DTHD1: variants seen among roughly 807,000 people sequenced by gnomAD.
The protein encoded by DTHD1 is death domain containing 1.
In DTHD1, 59 loss-of-function variants were observed where a neutral mutation model predicts 74.8. That is an observed-to-expected ratio of 0.79 (90% CI 0.64 to 0.98). The LOEUF is 0.98. DTHD1 is among the 50% of genes least tolerant of loss of function. The pLI, the probability that DTHD1 is intolerant of heterozygous loss-of-function variation, is 0.00. For synonymous variants in DTHD1, 365 were observed against 371.1 expected (o/e 0.98, Z 0.19); for missense variants, 1,051 against 1,065.4 (o/e 0.99, Z 0.19).
At chr4:36,322,672 G>A (rs888160709) in intron 8 of DTHD1, among the ~76,000 whole-genome samples, 2 of 152,124 alleles carry the variant, frequency 1.3e-5, no homozygotes, top group African/African-American at 4.8e-5. Context: ...AAGCGTCCTG[G>A]TGATACTTCA....
chr4:36,334,710 T>G (rs67782841), intron 8 of DTHD1, among the ~76,000 whole-genome samples: 9,497 of 152,028 alleles, frequency 0.062, 474 homozygotes, highest in Admixed American at 0.17. Context: ...CGTGAGAGAG[T>G]GGTAGACAGG....
intron 2 of DTHD1, among the ~76,000 whole-genome samples, chr4:36,286,037 T>C (rs1472707898): frequency 6.6e-6 from 1 of 152,240 alleles, no homozygotes; most frequent in East Asian, 1.9e-4. Context: ...TTTGCTCACC[T>C]TGACCTTAGT....
intron 3 of DTHD1, 53 bp downstream of exon 3, chr4:36,290,756 T>C: frequency 7.5e-7 from 1 of 1,340,376 alleles, no homozygotes; most frequent in Non-Finnish European, 1.0e-6. Context: ...CTCTTATAAA[T>C]ATCACTCAGA....
chr4:36,289,663 A>T (rs909763671), intron 2 of DTHD1, among the ~76,000 whole-genome samples: 1 of 152,158 alleles, frequency 6.6e-6, no homozygotes, highest in African/African-American at 2.4e-5. Context: ...ATTAATTATT[A>T]ATGTGTAAGG....
rs534720471 is a variant in DTHD1 at position 36,330,402 on chromosome 4, T to G, written c.2341-8710T>G. ...TGTCATATTTGTCATTTAGCATGTA[T>G]GTTTTAGTCAAATAATTTTATCTTT... On this transcript the variant is annotated intron_variant, in intron 8 of 9. Coordinates refer to ENST00000639862, the MANE Select transcript of DTHD1 (RefSeq NM_001170700.3). 3.3e-5 allele frequency among the ~76,000 whole-genome samples: 5 copies of G among 152,302 alleles called. No homozygotes were observed. The South Asian group carries it at 8.3e-4, about 25-fold the overall frequency.
intron 5 of DTHD1, among the ~76,000 whole-genome samples, chr4:36,304,247 G>A (rs1209183254): frequency 6.6e-6 from 1 of 152,194 alleles, no homozygotes; most frequent in East Asian, 1.9e-4. Context: ...TCTAGTAAAT[G>A]ACCAATATTC....
chr4:36,303,795 G>A (rs1756902891), intron 5 of DTHD1, among the ~76,000 whole-genome samples: 1 of 152,154 alleles, frequency 6.6e-6, no homozygotes, highest in African/African-American at 2.4e-5. Flanking sequence ...CTTTGCATCT[G>A]TCATGGCCAT....
At chr4:36,314,268 T>C (rs186341049) in intron 7 of DTHD1, among the ~76,000 whole-genome samples, 43 of 152,234 alleles carry the variant, frequency 2.8e-4, no homozygotes, top group South Asian at 1.0e-3. Context: ...CATCTCTCAC[T>C]GAAGTCTTTG....
intron 9 of DTHD1, among the ~76,000 whole-genome samples, chr4:36,340,368 A>G: frequency 6.6e-6 from 1 of 152,242 alleles, no homozygotes; most frequent in East Asian, 1.9e-4. Context: ...TGGTTCCTGC[A>G]ATAGTCAAGG....
At chr4:36,299,155 T>A (rs186456716) in intron 5 of DTHD1, among the ~76,000 whole-genome samples, 1 of 152,102 alleles carries the variant, frequency 6.6e-6, no homozygotes. Flanking sequence ...ATTTCTCTGT[T>A]TGATCACATA....
chr4:36,284,073 A>G lies in DTHD1; in HGVS notation c.369A>G (p.Leu123=), dbSNP rs1165371878. Residue 123 remains leucine (L), a synonymous_variant, in exon 2 of 10, where the codon TTA becomes TTG. Coordinates refer to ENST00000639862, the MANE Select transcript of DTHD1 (RefSeq NM_001170700.3). ...AAGAAGAAAAGGAGATTTGTAATTTATGCGGCATGCATGATGAATGTACTC... is the reference window on the plus strand; with the variant it reads ...AAGAAGAAAAGGAGATTTGTAATTTGTGCGGCATGCATGATGAATGTACTC... The part of the protein sequence containing the change: ...LKKEEKEICN[L]CGMHDECTPQ... 9.1e-6 allele frequency: 14 copies of G among 1,537,128 alleles called. No homozygotes were observed. Among genetic ancestry groups the G allele is most frequent in the Non-Finnish European group, 1.2e-5 (14 of 1,146,902 alleles).
chr4:36,345,687 G>T lies in DTHD1; in HGVS notation c.*1863G>T, dbSNP rs1414080750. 2.0e-5 allele frequency: 3 copies of T among 152,078 alleles called. No homozygotes were observed. The highest frequency in any genetic ancestry group is 7.2e-5 in the African/African-American group (3 of 41,416). The allele number at this position is 152,078 out of a possible 1,614,324, so 9.4% of individuals were successfully genotyped here. A position where few individuals can be genotyped will look rare whatever the true frequency, so the allele number is the denominator to read the frequency against. On this transcript the variant is annotated 3_prime_UTR_variant, in exon 10 of 10. Transcript: ENST00000639862. ...ATGTATTCTTGGGGCAAAGAAAACA[G>T]ACTAAAATGTTCATTGTTTTCCTGA...
intron 8 of DTHD1, among the ~76,000 whole-genome samples, chr4:36,335,133 T>C: frequency 6.6e-6 from 1 of 152,146 alleles, no homozygotes; most frequent in Non-Finnish European, 1.5e-5. Flanking sequence ...ATAAAAGAGG[T>C]AGAATTTGAC....
At chr4:36,291,790 T>G (rs772878078) in intron 3 of DTHD1, among the ~76,000 whole-genome samples, 21 of 152,228 alleles carry the variant, frequency 1.4e-4, no homozygotes, top group Non-Finnish European at 2.6e-4. Flanking sequence ...ATCGCACCCC[T>G]GCACTCCAGC....
intron 7 of DTHD1, among the ~76,000 whole-genome samples, chr4:36,314,946 TAAGGAAGCTA>T (rs1757628719): frequency 6.6e-6 from 1 of 152,046 alleles, no homozygotes; most frequent in African/African-American, 2.4e-5. Context: ...GTTCTAAGGG[TAAGGAAGCTA>T]AGGGAAGCTC....
At position 36,316,407 on chromosome 4, in the gene DTHD1, C is replaced by T. The variant is rs867582414; in HGVS notation, c.2261C>T (p.Pro754Leu). 1.3e-6 allele frequency: 2 copies of T among 1,551,982 alleles called. No individual in the cohort carries two copies. The highest frequency in any genetic ancestry group is 1.4e-5 in the African/African-American group (1 of 73,144). The change falls in exon 8 of 10, where the codon CCC (proline) becomes CTC (leucine). Residue 754 changes from proline to leucine, a missense_variant. Physicochemically the swap from Pro to Leu is moderately conservative, Grantham distance 98. Coordinates refer to ENST00000639862, the MANE Select transcript of DTHD1 (RefSeq NM_001170700.3). ...AAAGTACCTAAAGGAAAGATAGTCCCCAACTTGAATCAATCTCTCGTAATT... is the reference window on the plus strand; with the variant it reads ...AAAGTACCTAAAGGAAAGATAGTCCTCAACTTGAATCAATCTCTCGTAATT... ...VYKVPKGKIV[P>L]NLNQSLVINE...
chr4:36,303,064 T>C (rs1192606250), intron 5 of DTHD1, among the ~76,000 whole-genome samples: 1 of 152,206 alleles, frequency 6.6e-6, no homozygotes, highest in East Asian at 1.9e-4. Flanking sequence ...GGGAGATTAG[T>C]ACTGTCTGGG....
Position 36,308,211 on chromosome 4 carries a change from G to A in DTHD1, c.1813G>A (p.Val605Ile), listed in dbSNP as rs1209838308. Residue 605 changes from valine (V) to isoleucine (I), a missense_variant, in exon 7 of 10, where the codon GTA (valine) becomes ATA (isoleucine). By Grantham distance (29) the Val-to-Ile change is conservative (BLOSUM62 3). Coordinates refer to ENST00000639862, the MANE Select transcript of DTHD1 (RefSeq NM_001170700.3). Reference protein sequence around the residue: ...ELYEHLERFIVLHLSSTMDNS... With the variant: ...ELYEHLERFIILHLSSTMDNS... Reference sequence around the variant, plus strand: ...CCTCTTTCTTCCATGCAGGTTTATTGTACTTCACCTCTCTTCCACCATGGA... The same window carrying A: ...CCTCTTTCTTCCATGCAGGTTTATTATACTTCACCTCTCTTCCACCATGGA... 2 of 1,551,920 alleles carry A rather than the reference G, an allele frequency of 1.3e-6. No individual in the cohort carries two copies. Among genetic ancestry groups the A allele is most frequent in the Admixed American group, 2.0e-5 (1 of 50,972 alleles).
At position 36,290,502 on chromosome 4, in the gene DTHD1, T is replaced by A; in HGVS notation, c.1017T>A (p.Asn339Lys). The A allele has an allele frequency of 6.4e-7, 1 of 1,551,672 alleles. No individual in the cohort carries two copies. Among genetic ancestry groups the A allele is most frequent in the Non-Finnish European group, 8.7e-7 (1 of 1,146,982 alleles). Residue 339 changes from asparagine (N) to lysine (K), a missense_variant, in exon 3 of 10, where the codon AAT (asparagine) becomes AAA (lysine). By Grantham distance (94) the Asn-to-Lys change is moderately conservative. Coordinates refer to ENST00000639862, the MANE Select transcript of DTHD1 (RefSeq NM_001170700.3). ...NHMSSLIVGD[N>K]EELVSNVITI... The stretch of plus-strand genomic sequence containing the variant: ...TGAGTTCTTTAATAGTGGGTGATAA[T>A]GAAGAGTTAGTTAGCAACGTCATAA...
Sources: gnomAD v4.1 joint callset for allele counts (sites outside exome capture counted in the v4.1 genomes callset) on GRCh38, gnomAD v4.1.1 for gene constraint, MANE v1.5 for transcripts, NCBI Gene and HGNC (gene_info 2026-07-23, HGNC 2026-07-21) for gene names.